Variants in TRPM3 observed in about 807,000 individuals in gnomAD.
The protein encoded by TRPM3 is long transient receptor potential channel 3.
A neutral mutation model predicts 181.2 loss-of-function variants in TRPM3; 77 were observed. That is an observed-to-expected ratio of 0.42 (90% CI 0.35 to 0.51). TRPM3 has a LOEUF of 0.51. Ranked by LOEUF, TRPM3 falls within the 20% of genes least tolerant of loss-of-function variation. TRPM3 has a pLI of 0.01. For synonymous variants in TRPM3, 745 were observed against 796.4 expected (o/e 0.94, Z 1.09); for missense variants, 1,759 against 2,196.7 (o/e 0.80, Z 3.98).
At chr9:71,140,901 G>A (rs1007303664) in intron 1 of TRPM3, among the ~76,000 whole-genome samples, 2 of 152,144 alleles carry the variant, frequency 1.3e-5, no homozygotes, top group African/African-American at 2.4e-5. Flanking sequence ...TGCCTGGGGA[G>A]ACCCGGGGGT....
chr9:71,446,668 CG>C lies in TRPM3; in HGVS notation c.167del (p.Pro56ArgfsTer12). 6.5e-7 allele frequency: 1 copy of C among 1,550,150 alleles called. No homozygotes were observed. The highest frequency in any genetic ancestry group is 8.7e-7 in the Non-Finnish European group (1 of 1,146,652). ...GGCCACTCACCGGCGTCTGCTGCGACGGGAGTCCCGAGCGTTTGGTGGACCC... is the reference window on the plus strand; with the variant it reads ...GGCCACTCACCGGCGTCTGCTGCGACGGAGTCCCGAGCGTTTGGTGGACCC... On this transcript the variant is annotated frameshift_variant, in exon 1 of 25. Coordinates refer to the TRPM3 transcript ENST00000357533. LOFTEE classifies it high-confidence loss of function.
In TRPM3 at chr9:71,203,460, T is replaced by C. The variant is rs150487057; in HGVS notation, c.183+243193A>G. The stretch of plus-strand genomic sequence containing the variant: ...ATATACAGTCCAGTCTGTTTTAAGC[T>C]TTCATTTGCTCACTTGTTTGTTTAG... On this transcript the variant is annotated intron_variant, in intron 1 of 24. Transcript: ENST00000357533. Among the ~76,000 whole-genome samples, 14 of 152,358 alleles carry C rather than the reference T, an allele frequency of 9.2e-5. No individual in the cohort carries two copies. In the South Asian group the frequency reaches 1.4e-3, roughly 16 times the overall value.
intron 1 of TRPM3, among the ~76,000 whole-genome samples, chr9:71,110,041 T>C (rs1303919861): frequency 6.6e-6 from 1 of 152,140 alleles, no homozygotes; most frequent in Admixed American, 6.6e-5. Flanking sequence ...ACTGCATCAA[T>C]TTTTTTAGAG....
intron 1 of TRPM3, among the ~76,000 whole-genome samples, chr9:71,076,137 A>G (rs543190996): frequency 6.6e-6 from 1 of 152,314 alleles, no homozygotes; most frequent in South Asian, 2.1e-4. Flanking sequence ...GGTGGGCTGG[A>G]GTCTGCTCAC....
intron 1 of TRPM3, among the ~76,000 whole-genome samples, chr9:71,247,755 C>T (rs2082118845): frequency 6.6e-6 from 1 of 152,134 alleles, no homozygotes; most frequent in African/African-American, 2.4e-5. Flanking sequence ...CCAGATCAGA[C>T]TCCTTTCTGC....
At chr9:70,660,426 TG>T (rs1185110279) in intron 9 of TRPM3, among the ~76,000 whole-genome samples, 1 of 152,114 alleles carries the variant, frequency 6.6e-6, no homozygotes. Context: ...GTCCTGCCTC[TG>T]CTTCAAGTTG....
intron 4 of TRPM3, among the ~76,000 whole-genome samples, chr9:70,845,975 G>A (rs1262201839): frequency 6.6e-6 from 1 of 152,138 alleles, no homozygotes; most frequent in Non-Finnish European, 1.5e-5. Flanking sequence ...AGATGGAAAC[G>A]TCATTTTGTA....
intron 1 of TRPM3, among the ~76,000 whole-genome samples, chr9:71,358,092 C>T (rs936270658): frequency 6.6e-6 from 1 of 152,148 alleles, no homozygotes; most frequent in Non-Finnish European, 1.5e-5. Context: ...AAAGAACCTA[C>T]ATACTGACTA....
chr9:70,598,354 C>T, intron 21 of TRPM3, 65 bp downstream of exon 21: 1 of 1,572,412 alleles, frequency 6.4e-7, no homozygotes, highest in South Asian at 1.2e-5. Flanking sequence ...AATTATTTCC[C>T]TCTATCTATT....
chr9:71,225,642 TAAAC>T (rs2080553403), intron 1 of TRPM3, among the ~76,000 whole-genome samples: 1 of 152,126 alleles, frequency 6.6e-6, no homozygotes, highest in Non-Finnish European at 1.5e-5. Context: ...GATGAAAAGA[TAAAC>T]AAATAAAAAG....
At chr9:71,212,537 AT>A (rs2131807506) in intron 1 of TRPM3, among the ~76,000 whole-genome samples, 1 of 152,312 alleles carries the variant, frequency 6.6e-6, no homozygotes, top group Non-Finnish European at 1.5e-5. Flanking sequence ...TCATACGTAA[AT>A]GTGCACCATG....
intron 1 of TRPM3, among the ~76,000 whole-genome samples, chr9:71,096,850 C>T (rs1057278221): frequency 2.6e-5 from 4 of 152,016 alleles, no homozygotes; most frequent in African/African-American, 9.7e-5. Context: ...GCACTATTTG[C>T]AAGAACATAA....
chr9:70,871,659 T>G (rs1264131854), intron 1 of TRPM3, among the ~76,000 whole-genome samples: 2 of 152,028 alleles, frequency 1.3e-5, no homozygotes, highest in Non-Finnish European at 2.9e-5. Context: ...CTTGTAGCTC[T>G]AGGCCACACT....
At chr9:70,945,772 T>C (rs1303987341) in intron 1 of TRPM3, among the ~76,000 whole-genome samples, 1 of 152,176 alleles carries the variant, frequency 6.6e-6, no homozygotes, top group East Asian at 1.9e-4. Context: ...AACAAGTTAA[T>C]TTTGAGTTAA....
intron 1 of TRPM3, among the ~76,000 whole-genome samples, chr9:70,957,109 C>T (rs527714721): frequency 1.3e-4 from 20 of 151,686 alleles, no homozygotes; most frequent in African/African-American, 3.1e-4. Flanking sequence ...TACAGGCACG[C>T]GCCACCGCAC....
At chr9:71,150,753 G>GGAAAAATAAATGTGCACAAAT (rs1183665713) in intron 1 of TRPM3, among the ~76,000 whole-genome samples, 7 of 152,160 alleles carry the variant, frequency 4.6e-5, no homozygotes, top group Admixed American at 4.6e-4. Context: ...ATACAAATAT[G>GGAAAAATAAATGTGCACAAAT]TTTATCTAAA....
chr9:71,038,269 C>T (rs1417858683), intron 1 of TRPM3, among the ~76,000 whole-genome samples: 4 of 152,242 alleles, frequency 2.6e-5, no homozygotes, highest in South Asian at 2.1e-4. Context: ...ATCTGAGATG[C>T]CTCTTGTCTT....
intron 22 of TRPM3, among the ~76,000 whole-genome samples, chr9:70,557,759 G>T (rs1334486132): frequency 6.6e-6 from 1 of 152,134 alleles, no homozygotes; most frequent in African/African-American, 2.4e-5. Flanking sequence ...CTGACATTTG[G>T]GTGGCTTTTC....
intron 1 of TRPM3, among the ~76,000 whole-genome samples, chr9:71,445,072 C>G (rs1431882180): frequency 6.6e-6 from 1 of 152,126 alleles, no homozygotes; most frequent in African/African-American, 2.4e-5. Flanking sequence ...GTCATGGTAC[C>G]CTCTTAGGCT....
Sources: gnomAD v4.1 joint callset for allele counts (sites outside exome capture counted in the v4.1 genomes callset) on GRCh38, gnomAD v4.1.1 for gene constraint, MANE v1.5 for transcripts, NCBI Gene and HGNC (gene_info 2026-07-23, HGNC 2026-07-21) for gene names.